HNMT: variants seen among roughly 807,000 people sequenced by gnomAD.
The protein encoded by HNMT is histamine N-methyltransferase.
HNMT carries 30 observed loss-of-function variants against 32.1 expected under a neutral mutation model. That is an observed-to-expected ratio of 0.93 (90% CI 0.70 to 1.27). HNMT has a LOEUF of 1.27. Ranked by LOEUF, HNMT falls within the 50% of genes most tolerant of loss-of-function variation. The pLI is 0.00. For synonymous variants in HNMT, 125 were observed against 119.0 expected (o/e 1.05, Z -0.33); for missense variants, 327 against 346.0 (o/e 0.95, Z 0.43).
Position 138,014,270 on chromosome 2 carries a change from C to T in HNMT, c.*140C>T. On this transcript the variant is annotated 3_prime_UTR_variant, in exon 6 of 6. Transcript: ENST00000280097. ...ATATGAGATGTAGCAAATTCCAATA[C>T]ATTATTGGACTTCCATTTGGAATCA... 1 of 608,010 alleles carries T rather than the reference C, an allele frequency of 1.6e-6. No homozygotes were observed. Among genetic ancestry groups the T allele is most frequent in the Non-Finnish European group, 2.8e-6 (1 of 351,104 alleles). 37.7% of individuals were successfully genotyped at this position (608,010 alleles called of 1,614,324 possible).
rs1488459176 is a variant in HNMT at position 138,013,801 on chromosome 2, A to C, written c.550A>C (p.Lys184Gln). 11 of 1,612,242 alleles carry C rather than the reference A, an allele frequency of 6.8e-6. No individual in the cohort carries two copies. The highest frequency in any genetic ancestry group is 1.7e-5 in the Admixed American group (1 of 59,856). ...SGSSGWDKLW[K>Q]KYGSRFPQDD... ...AAGCAGTGGCTGGGACAAGCTGTGG[A>C]AAAAGTACGGATCACGCTTTCCCCA... is the stretch of plus-strand genomic sequence containing the variant. The change falls in exon 6 of 6, where the codon AAA becomes CAA. Residue 184 changes from lysine (K) to glutamine (Q), a missense_variant. Physicochemically the swap from Lys to Gln is moderately conservative, Grantham distance 53 (BLOSUM62 1). Transcript: ENST00000280097.
At chr2:137,967,962 A>C (rs1680010764) in intron 1 of HNMT, among the ~76,000 whole-genome samples, 1 of 152,306 alleles carries the variant, frequency 6.6e-6, no homozygotes, top group East Asian at 1.9e-4. Context: ...TCAAATAATG[A>C]GGCACTAAAA....
chr2:137,973,549 C>G (rs1680196022), intron 2 of HNMT, among the ~76,000 whole-genome samples: 2 of 152,158 alleles, frequency 1.3e-5, no homozygotes. Flanking sequence ...TGTAATGTAT[C>G]TCATAGGGTC....
intron 1 of HNMT, among the ~76,000 whole-genome samples, chr2:137,966,800 C>T (rs965059422): frequency 2.0e-5 from 3 of 152,116 alleles, no homozygotes; most frequent in African/African-American, 7.2e-5. Flanking sequence ...TCTGCTTTGG[C>T]CTGCTATACA....
At chr2:138,010,688 A>G (rs896357966) in intron 5 of HNMT, among the ~76,000 whole-genome samples, 2 of 152,060 alleles carry the variant, frequency 1.3e-5, no homozygotes, top group African/African-American at 4.8e-5. Flanking sequence ...AACTCAAGAG[A>G]CTGTCATTTA....
chr2:137,993,486 T>C (rs554464310), intron 2 of HNMT, among the ~76,000 whole-genome samples: 1 of 151,790 alleles, frequency 6.6e-6, no homozygotes, highest in East Asian at 1.9e-4. Context: ...GAAAAAAGAA[T>C]GAAAAGGAAT....
chr2:138,002,753 TTA>T, intron 4 of HNMT: 1 of 953,036 alleles, frequency 1.0e-6, no homozygotes, highest in Non-Finnish European at 1.2e-6. Context: ...AGTCTTTAAT[TTA>T]TTTTTATATC....
intron 2 of HNMT, among the ~76,000 whole-genome samples, chr2:137,975,552 T>A (rs940440970): frequency 6.6e-6 from 1 of 152,192 alleles, no homozygotes; most frequent in African/African-American, 2.4e-5. Context: ...AGAGATTAGG[T>A]ACTTAGCAAT....
intron 1 of HNMT, among the ~76,000 whole-genome samples, chr2:137,968,514 A>T (rs1177974069): frequency 6.6e-6 from 1 of 152,236 alleles, no homozygotes; most frequent in East Asian, 1.9e-4. Flanking sequence ...AGTTATTAAT[A>T]ATCCTACAAG....
chr2:137,986,265 T>TTA (rs917898866), intron 2 of HNMT, among the ~76,000 whole-genome samples: 26 of 150,108 alleles, frequency 1.7e-4, no homozygotes, highest in Non-Finnish European at 5.9e-5. Flanking sequence ...TAAATACAAT[T>TTA]TATATATATA....
At chr2:137,971,572 A>G (rs1046304568) in intron 2 of HNMT, among the ~76,000 whole-genome samples, 3 of 152,220 alleles carry the variant, frequency 2.0e-5, no homozygotes, top group African/African-American at 7.2e-5. Flanking sequence ...AGGTAGATGG[A>G]CACAGGTAAC....
chr2:137,978,589 T>C (rs1469761926), intron 2 of HNMT, among the ~76,000 whole-genome samples: 1 of 138,284 alleles, frequency 7.2e-6, no homozygotes, highest in African/African-American at 2.6e-5. Context: ...AATATAGTAT[T>C]ATACAATACA....
chr2:137,996,194 T>C (rs1285809978), intron 2 of HNMT, among the ~76,000 whole-genome samples: 1 of 152,148 alleles, frequency 6.6e-6, no homozygotes, highest in African/African-American at 2.4e-5. Flanking sequence ...TAGAAACAAA[T>C]AAAAGGTATT....
intron 2 of HNMT, among the ~76,000 whole-genome samples, chr2:137,977,410 C>G (rs1028544532): frequency 2.0e-5 from 3 of 152,022 alleles, no homozygotes; most frequent in African/African-American, 7.2e-5. Context: ...GTGTAGGTGA[C>G]TTGTTGTTAT....
Position 138,013,780 on chromosome 2 carries a change from A to C in HNMT, c.529A>C (p.Ser177Arg), listed in dbSNP as rs1235750533. The C allele has an allele frequency of 1.9e-6, 3 of 1,609,598 alleles. No homozygotes were observed. Among genetic ancestry groups the C allele is most frequent in the Non-Finnish European group, 1.7e-6 (2 of 1,176,722 alleles). Residue 177 changes from serine (S) to arginine (R), a missense_variant, in exon 6 of 6, where the codon AGT becomes CGT. Ser to Arg is a moderately radical substitution (Grantham distance 110). Transcript: ENST00000280097. Reference protein sequence around the residue: ...KMLIIVVSGSSGWDKLWKKYG... With the variant: ...KMLIIVVSGSRGWDKLWKKYG... ...ACTTGTGTTTTATTGCACAGGAAGC[A>C]GTGGCTGGGACAAGCTGTGGAAAAA...
chr2:137,973,771 G>GT (rs11399875), intron 2 of HNMT, among the ~76,000 whole-genome samples: 77,795 of 150,754 alleles, frequency 0.52, 20,923 homozygotes, highest in East Asian at 0.65. Context: ...AATTCTCATG[G>GT]TTTTTTTTGG....
chr2:137,991,488 G>T (rs979791387), intron 2 of HNMT, among the ~76,000 whole-genome samples: 2 of 152,190 alleles, frequency 1.3e-5, no homozygotes, highest in Non-Finnish European at 2.9e-5. Context: ...GTGGAAACAC[G>T]TTATAGTCCT....
At chr2:138,000,223 A>C (rs1573671302) in intron 2 of HNMT, among the ~76,000 whole-genome samples, 1 of 151,898 alleles carries the variant, frequency 6.6e-6, no homozygotes, top group Non-Finnish European at 1.5e-5. Context: ...TTCTGGGCTA[A>C]CTCCCACTTA....
intron 2 of HNMT, among the ~76,000 whole-genome samples, chr2:137,979,001 A>G (rs918350316): frequency 7.0e-6 from 1 of 142,042 alleles, no homozygotes; most frequent in Non-Finnish European, 1.5e-5. Flanking sequence ...GTAATACATT[A>G]TATAATATTC....
Sources: allele counts gnomAD v4.1 joint callset (sites outside exome capture counted in the v4.1 genomes callset), GRCh38; gene constraint gnomAD v4.1.1; transcripts MANE v1.5; gene names NCBI Gene and HGNC (gene_info 2026-07-23, HGNC 2026-07-21).